Variants in LRP1B observed in about 807,000 individuals in gnomAD.
LRP1B encodes the protein low-density lipoprotein receptor-related protein 1B.
In LRP1B, 217 loss-of-function variants were observed where a neutral mutation model predicts 556.6. That is an observed-to-expected ratio of 0.39 (90% CI 0.35 to 0.44). The LOEUF is 0.44. LRP1B is among the 20% of genes least tolerant of loss of function. The pLI, the probability that LRP1B is intolerant of heterozygous loss-of-function variation, is 1.00. For synonymous variants in LRP1B, 2,047 were observed against 1,865.8 expected (o/e 1.10, Z -2.50); for missense variants, 5,053 against 5,620.8 (o/e 0.90, Z 3.23).
In LRP1B at chr2:141,228,538, GGA is replaced by G. The variant is rs563441764; in HGVS notation, c.850+643_850+644del. On this transcript the variant is annotated intron_variant, in intron 6 of 90. Transcript: ENST00000389484. ...CCCATGTGGAAGCAGGGAGAGAGAA[GGA>G]GAGAGAGAATATGTGTGCATCCCTG... Among the ~76,000 whole-genome samples, 522 of 150,158 alleles carry G rather than the reference GGA, an allele frequency of 3.5e-3. 6 individuals carry two copies. The highest frequency in any genetic ancestry group is 0.012 in the African/African-American group (498 of 40,604).
intron 3 of LRP1B, among the ~76,000 whole-genome samples, chr2:141,412,618 T>A (rs1043892556): frequency 6.6e-6 from 1 of 152,224 alleles, no homozygotes; most frequent in African/African-American, 2.4e-5. Flanking sequence ...TACTTTTGTG[T>A]AATTTTTTTA....
In LRP1B at chr2:141,480,555, C is replaced by G. The variant is rs780612840; in HGVS notation, c.206-22G>C. 6 of 1,613,070 alleles carry G rather than the reference C, an allele frequency of 3.7e-6. No homozygotes were observed. In the Admixed American group the frequency reaches 8.3e-5, roughly 22 times the overall value. On this transcript the variant is annotated intron_variant, in intron 2 of 90. Coordinates refer to ENST00000389484, the MANE Select transcript of LRP1B (RefSeq NM_018557.3). The stretch of plus-strand genomic sequence containing the variant: ...GGACCTGAAAAGATGTAAAAAAGAA[C>G]AGAATTATGTGTTAGCTTTTCTAAA...
intron 25 of LRP1B, 21 bp from the exon 26 acceptor site, chr2:140,868,284 A>AG: frequency 6.7e-7 from 1 of 1,484,240 alleles, no homozygotes; most frequent in Non-Finnish European, 9.1e-7. Context: ...AAAAAAAAAA[A>AG]GAAATAATAC....
chr2:140,626,458 G>A (rs1574158994), intron 41 of LRP1B, among the ~76,000 whole-genome samples: 1 of 152,246 alleles, frequency 6.6e-6, no homozygotes, highest in East Asian at 1.9e-4. Flanking sequence ...TTCATTTGTG[G>A]AAGAAGGGCA....
intron 3 of LRP1B, among the ~76,000 whole-genome samples, chr2:141,478,349 G>A (rs1029012813): frequency 1.3e-5 from 2 of 152,074 alleles, no homozygotes; most frequent in Non-Finnish European, 2.9e-5. Context: ...TCTTTTAAAA[G>A]CTTAGTCATA....
chr2:141,083,331 A>C (rs1699971434), intron 7 of LRP1B, among the ~76,000 whole-genome samples: 2 of 152,068 alleles, frequency 1.3e-5, no homozygotes, highest in Non-Finnish European at 2.9e-5. Flanking sequence ...AACATATTTA[A>C]TATTCAGACT....
intron 3 of LRP1B, among the ~76,000 whole-genome samples, chr2:141,381,504 C>A (rs1204798083): frequency 1.3e-5 from 2 of 152,072 alleles, no homozygotes; most frequent in East Asian, 3.9e-4. Flanking sequence ...CTAAAAGTTT[C>A]CCAAACTTGG....
chr2:141,607,446 C>T (rs1377787390), intron 2 of LRP1B, among the ~76,000 whole-genome samples: 1 of 152,118 alleles, frequency 6.6e-6, no homozygotes. Flanking sequence ...AGTAGTCATG[C>T]ACTATCTCTA....
At chr2:141,308,142 T>C (rs1176914468) in intron 3 of LRP1B, among the ~76,000 whole-genome samples, 1 of 152,176 alleles carries the variant, frequency 6.6e-6, no homozygotes. Flanking sequence ...CAGGAATCAG[T>C]ATATAACCCC....
At chr2:141,179,279 T>G (rs986989739) in intron 7 of LRP1B, among the ~76,000 whole-genome samples, 5 of 152,048 alleles carry the variant, frequency 3.3e-5, no homozygotes, top group African/African-American at 1.2e-4. Context: ...TGTGTTGAAA[T>G]TAGATTCCCA....
Position 141,584,838 on chromosome 2 carries a change from G to A in LRP1B, c.206-104305C>T, listed in dbSNP as rs192002905. On this transcript the variant is annotated intron_variant, in intron 2 of 90. Coordinates refer to ENST00000389484, the MANE Select transcript of LRP1B (RefSeq NM_018557.3). ...ATTCCATTTATATGAGATACCTACA[G>A]TAATCAAATTCATAGAGACAGACAG... Among the ~76,000 whole-genome samples, 18 of 152,236 alleles carry A rather than the reference G, an allele frequency of 1.2e-4. No individual in the cohort carries two copies. The East Asian group carries it at 3.3e-3, about 28-fold the overall frequency.
intron 7 of LRP1B, among the ~76,000 whole-genome samples, chr2:141,156,611 G>C (rs961796342): frequency 2.7e-5 from 4 of 148,468 alleles, no homozygotes; most frequent in Non-Finnish European, 5.9e-5. Context: ...CCGGGCGACA[G>C]GGCTATCTCA....
intron 41 of LRP1B, among the ~76,000 whole-genome samples, chr2:140,696,848 T>C (rs1686446588): frequency 2.0e-5 from 3 of 152,148 alleles, no homozygotes; most frequent in African/African-American, 7.2e-5. Flanking sequence ...TCAAACCAGT[T>C]CTTGTTGTTC....
chr2:142,130,924 A>G lies in LRP1B; in HGVS notation c.-195T>C. 1.6e-6 allele frequency: 1 copy of G among 623,322 alleles called. No homozygotes were observed. The highest frequency in any genetic ancestry group is 1.8e-5 in the South Asian group (1 of 56,428). 38.6% of individuals were successfully genotyped at this position (623,322 alleles called of 1,614,324 possible). ...GCCTGGAGCAGGATGTGGAAGGTGG[A>G]GGGATGCGCGCGTGCGGGAGAGAGG... is the stretch of plus-strand genomic sequence containing the variant. On this transcript the variant is annotated 5_prime_UTR_variant, in exon 1 of 91. Coordinates refer to ENST00000389484, the MANE Select transcript of LRP1B (RefSeq NM_018557.3).
intron 2 of LRP1B, among the ~76,000 whole-genome samples, chr2:141,557,511 C>G (rs547952068): frequency 6.6e-6 from 1 of 152,000 alleles, no homozygotes; most frequent in East Asian, 1.9e-4. Flanking sequence ...TGTCTAAGTT[C>G]TCATGAATGG....
chr2:141,001,708 G>A (rs927122967), intron 15 of LRP1B, among the ~76,000 whole-genome samples: 1 of 152,120 alleles, frequency 6.6e-6, no homozygotes, highest in Non-Finnish European at 1.5e-5. Context: ...CCATCTTTAA[G>A]AGGAAGTTTA....
At chr2:141,250,120 T>C (rs1684207923) in intron 4 of LRP1B, among the ~76,000 whole-genome samples, 1 of 152,212 alleles carries the variant, frequency 6.6e-6, no homozygotes, top group Admixed American at 6.5e-5. Flanking sequence ...AATTAAAATA[T>C]ATCTTTGGCC....
At chr2:140,684,991 G>A (rs112740886) in intron 41 of LRP1B, among the ~76,000 whole-genome samples, 1 of 151,990 alleles carries the variant, frequency 6.6e-6, no homozygotes, top group Non-Finnish European at 1.5e-5. Context: ...TATTGTTAAA[G>A]CATGCATCCC....
In LRP1B at chr2:140,791,412, G is replaced by A. The variant is rs192996887; in HGVS notation, c.5360-15174C>T. ...CAACTGCACTCTAGCCTGGGTGACAGAGTGAGACCCTGTCTCTAAAAAAAT... is the reference window on the plus strand; with the variant it reads ...CAACTGCACTCTAGCCTGGGTGACAAAGTGAGACCCTGTCTCTAAAAAAAT... On this transcript the variant is annotated intron_variant, in intron 32 of 90. Coordinates refer to ENST00000389484, the MANE Select transcript of LRP1B (RefSeq NM_018557.3). Among the ~76,000 whole-genome samples the A allele has an allele frequency of 2.6e-5, 4 of 152,194 alleles. No individual in the cohort carries two copies. The East Asian group carries it at 7.8e-4, about 30-fold the overall frequency.
Sources: allele counts gnomAD v4.1 joint callset (sites outside exome capture counted in the v4.1 genomes callset), GRCh38; gene constraint gnomAD v4.1.1; transcripts MANE v1.5; gene names NCBI Gene and HGNC (gene_info 2026-07-23, HGNC 2026-07-21).